Variants in TBC1D16 observed in about 807,000 individuals in gnomAD.
TBC1D16 encodes the protein CTD-2529O21.1.
TBC1D16 carries 58 observed loss-of-function variants against 74.7 expected under a neutral mutation model. The observed-to-expected ratio is 0.78, with a 90% CI of 0.63 to 0.97. The LOEUF (loss-of-function observed/expected upper bound fraction) is 0.97, where lower values mean the gene tolerates loss of function less well. TBC1D16 is among the 50% of genes least tolerant of loss of function. TBC1D16 has a pLI of 0.00. For synonymous variants in TBC1D16, 493 were observed against 474.7 expected, an observed-to-expected ratio of 1.04 and a Z score of -0.50; for missense variants, 1,014 against 1,079.5, an observed-to-expected ratio of 0.94 and a Z score of 0.85.
rs1335267601 is a variant in TBC1D16, at chr17:79,933,274, G to C, written c.*7585C>G. ...GAGGGGGCTGGCTTGAGACCTTCCT[G>C]TTCTATGTTGGGGGGGATACTGAGG... On this transcript the variant is annotated 3_prime_UTR_variant, in exon 12 of 12. Coordinates refer to ENST00000310924, the MANE Select transcript of TBC1D16 (RefSeq NM_019020.4). 1 of 151,968 alleles carries C rather than the reference G, an allele frequency of 6.6e-6. No homozygotes were observed. Among genetic ancestry groups the C allele is most frequent in the East Asian group, 1.9e-4 (1 of 5,176 alleles). The allele number at this position is 151,968 out of a possible 1,614,324, so 9.4% of individuals were successfully genotyped here. A position where few individuals can be genotyped will look rare whatever the true frequency, so the allele number is the denominator to read the frequency against.
chr17:79,980,693 C>T lies in TBC1D16; in HGVS notation c.780-27875G>A, dbSNP rs776597670. On this transcript the variant is annotated intron_variant, in intron 3 of 11. Coordinates refer to ENST00000310924, the MANE Select transcript of TBC1D16 (RefSeq NM_019020.4). This position sits in a 1 kb window ranked among gnomAD's most constrained non-coding sequence, Gnocchi z 7.0. ...TGTGACATCCCACATGGCTTGGTCC[C>T]GCCTTTCAGCCCCCCAGGGTTCACT... Among the ~76,000 whole-genome samples the T allele has an allele frequency of 1.1e-4, 17 of 152,182 alleles. No individual in the cohort carries two copies. The highest frequency in any genetic ancestry group is 1.6e-4 in the Non-Finnish European group (11 of 68,036).
chr17:79,977,579 C>T (rs1046398582), intron 3 of TBC1D16, among the ~76,000 whole-genome samples: 31 of 152,266 alleles, frequency 2.0e-4, no homozygotes, highest in African/African-American at 7.0e-4. Context: ...TTCCTTCCCC[C>T]ACCTGTGAGA....
At position 80,007,320 on chromosome 17, in the gene TBC1D16, G is replaced by A. The variant is rs1049664696; in HGVS notation, c.779+2840C>T. On this transcript the variant is annotated intron_variant, in intron 3 of 11. Coordinates refer to ENST00000310924, the MANE Select transcript of TBC1D16 (RefSeq NM_019020.4). The surrounding 1 kb of genome is among the most constrained non-coding windows in gnomAD (Gnocchi z 4.5). The stretch of plus-strand genomic sequence containing the variant: ...CGCTGACCCCATACCCCAGGCTGGT[G>A]CTCAACCCTCACGCCGACTCTGCCC... 5.3e-5 allele frequency among the ~76,000 whole-genome samples: 8 copies of A among 152,248 alleles called. No individual in the cohort carries two copies. The highest frequency in any genetic ancestry group is 1.9e-4 in the African/African-American group (8 of 41,472).
In TBC1D16 at chr17:79,954,151, G is replaced by T. The variant is rs2033221331; in HGVS notation, c.780-1333C>A. Among the ~76,000 whole-genome samples the T allele has an allele frequency of 6.6e-6, 1 of 152,178 alleles. No homozygotes were observed. The highest frequency in any genetic ancestry group is 1.5e-5 in the Non-Finnish European group (1 of 68,020). Reference sequence around the variant, plus strand: ...CAAGACTCAGCTCTGGACCCCAACTGCAGCACCCCACAGAGACTCAGCCGC... The same window carrying T: ...CAAGACTCAGCTCTGGACCCCAACTTCAGCACCCCACAGAGACTCAGCCGC... On this transcript the variant is annotated intron_variant, in intron 3 of 11. Coordinates refer to ENST00000310924, the MANE Select transcript of TBC1D16 (RefSeq NM_019020.4). The surrounding 1 kb of genome is among the most constrained non-coding windows in gnomAD (Gnocchi z 5.5).
In TBC1D16 at chr17:79,954,189, TGCCTTCCCG is replaced by T. The variant is rs2033224376; in HGVS notation, c.780-1380_780-1372del. Among the ~76,000 whole-genome samples the T allele has an allele frequency of 6.6e-6, 1 of 152,138 alleles. No individual in the cohort carries two copies. Among genetic ancestry groups the T allele is most frequent in the African/African-American group, 2.4e-5 (1 of 41,448 alleles). ...GAGACTCAGCCGCATTCACCGCACC[TGCCTTCCCG>T]TTTGAGCTCAGAACATAAACTATTA... is the stretch of plus-strand genomic sequence containing the variant. On this transcript the variant is annotated intron_variant, in intron 3 of 11. Coordinates refer to ENST00000310924, the MANE Select transcript of TBC1D16 (RefSeq NM_019020.4). The surrounding 1 kb of genome is among the most constrained non-coding windows in gnomAD (Gnocchi z 5.5).
At chr17:80,029,573 C>T (rs1486475484) in intron 1 of TBC1D16, among the ~76,000 whole-genome samples, 1 of 152,194 alleles carries the variant, frequency 6.6e-6, no homozygotes, top group Non-Finnish European at 1.5e-5. Flanking sequence ...CCAAAATTCA[C>T]TGCCCAAGAT....
chr17:80,023,046 G>T (rs1452429856), intron 1 of TBC1D16, among the ~76,000 whole-genome samples: 1 of 150,116 alleles, frequency 6.7e-6, no homozygotes, highest in Non-Finnish European at 1.5e-5. Context: ...CTCAGCTGCC[G>T]CAACGCTGCA....
In TBC1D16 at chr17:79,983,193, C is replaced by T. The variant is rs565425573; in HGVS notation, c.779+26967G>A. Among the ~76,000 whole-genome samples the T allele has an allele frequency of 7.0e-4, 106 of 152,282 alleles. No individual in the cohort carries two copies. The highest frequency in any genetic ancestry group is 2.5e-3 in the African/African-American group (102 of 41,558). Reference sequence around the variant, plus strand: ...GCTGTGCAGGCGTGAAACCCAGTGGCGGTTCAGAAGACGTGGCAGCGCGGG... The same window carrying T: ...GCTGTGCAGGCGTGAAACCCAGTGGTGGTTCAGAAGACGTGGCAGCGCGGG... On this transcript the variant is annotated intron_variant, in intron 3 of 11. Coordinates refer to ENST00000310924, the MANE Select transcript of TBC1D16 (RefSeq NM_019020.4). The surrounding 1 kb of genome is among the most constrained non-coding windows in gnomAD (Gnocchi z 5.6).
chr17:79,964,580 C>T (rs75136759), intron 3 of TBC1D16, among the ~76,000 whole-genome samples: 22 of 152,200 alleles, frequency 1.4e-4, no homozygotes, highest in Non-Finnish European at 2.5e-4. Context: ...ATTGTGATGA[C>T]GGCTCCATGA....
At position 79,950,607 on chromosome 17, in the gene TBC1D16, C is replaced by T. The variant is rs778128893; in HGVS notation, c.1090-29G>A. ...GACGGGAGGAAAACTGGGCAAAGGT[C>T]AGGATCTCAGCCGCGCGGCTTCAGA... On this transcript the variant is annotated intron_variant, in intron 5 of 11. Coordinates refer to ENST00000310924, the MANE Select transcript of TBC1D16 (RefSeq NM_019020.4). This position sits in a 1 kb window ranked among gnomAD's most constrained non-coding sequence, Gnocchi z 4.6. 38 of 1,605,182 alleles carry T rather than the reference C, an allele frequency of 2.4e-5. No homozygotes were observed. Among genetic ancestry groups the T allele is most frequent in the Non-Finnish European group, 2.6e-5 (30 of 1,175,978 alleles).
intron 3 of TBC1D16, among the ~76,000 whole-genome samples, chr17:79,999,802 T>G (rs1017082797): frequency 4.6e-5 from 7 of 151,986 alleles, no homozygotes; most frequent in African/African-American, 1.7e-4. Flanking sequence ...CCTTGGGCTC[T>G]CAAAGTGCTG....
chr17:80,011,020 G>A (rs1000756517), intron 2 of TBC1D16, among the ~76,000 whole-genome samples: 4 of 151,946 alleles, frequency 2.6e-5, no homozygotes, highest in Non-Finnish European at 4.4e-5. Context: ...CCTGCCATGC[G>A]CCTTTCTTTT....
At chr17:80,016,160 G>C (rs1282083964) in intron 1 of TBC1D16, among the ~76,000 whole-genome samples, 21 of 152,050 alleles carry the variant, frequency 1.4e-4, no homozygotes. Context: ...AAACAAATCA[G>C]TCACAAGAGA....
In TBC1D16 at chr17:79,988,311, A is replaced by C. The variant is rs959442954; in HGVS notation, c.779+21849T>G. ...GAGCAAAACAACACGCTGAACAAAC[A>C]CCACCACCCTGAAAAGTCACCAGCC... On this transcript the variant is annotated intron_variant, in intron 3 of 11. Transcript: ENST00000310924. The surrounding 1 kb of genome is among the most constrained non-coding windows in gnomAD (Gnocchi z 5.7). Among the ~76,000 whole-genome samples, 3 of 152,330 alleles carry C rather than the reference A, an allele frequency of 2.0e-5. No homozygotes were observed. The East Asian group carries it at 5.8e-4, about 29-fold the overall frequency.
At chr17:80,025,595 ACCTCCTT>A (rs2036555055) in intron 1 of TBC1D16, among the ~76,000 whole-genome samples, 7 of 147,538 alleles carry the variant, frequency 4.7e-5, no homozygotes, top group African/African-American at 7.9e-5. Flanking sequence ...TGCTGGGAGC[ACCTCCTT>A]GCTGGAAGCA....
intron 3 of TBC1D16, among the ~76,000 whole-genome samples, chr17:79,960,809 A>AAAAAAAAAAAG (rs2033576160): frequency 7.3e-6 from 1 of 136,144 alleles, no homozygotes; most frequent in Non-Finnish European, 1.6e-5. Flanking sequence ...AAAAAAAAAA[A>AAAAAAAAAAAG]CGAAGGAATG....
At chr17:80,017,886 A>T (rs2036147763) in intron 1 of TBC1D16, among the ~76,000 whole-genome samples, 1 of 152,144 alleles carries the variant, frequency 6.6e-6, no homozygotes, top group Non-Finnish European at 1.5e-5. Flanking sequence ...CTCTTGGCCT[A>T]AACACTTCAT....
chr17:79,969,386 A>G (rs2120455), intron 3 of TBC1D16, among the ~76,000 whole-genome samples: 65,269 of 152,012 alleles, frequency 0.43, 14,318 homozygotes, highest in East Asian at 0.71. Context: ...ACTCCATCTC[A>G]AAACAAACAA....
chr17:80,010,287 C>G lies in TBC1D16; in HGVS notation c.652G>C (p.Glu218Gln), dbSNP rs143010961. ...EEDGSLELSA[E>Q]GVSRDSSFDS... ...AAGGAGCTGTCTCTGCTCACGCCCT[C>G]GGCTGACAGTTCCAAAGAGCCATCC... The change falls in exon 3 of 12, where the codon GAG (glutamate) becomes CAG (glutamine). Residue 218 changes from glutamate to glutamine, a missense_variant. Coordinates refer to ENST00000310924, the MANE Select transcript of TBC1D16 (RefSeq NM_019020.4). The surrounding 1 kb of genome is among the most constrained non-coding windows in gnomAD (Gnocchi z 8.8). 2 of 1,612,876 alleles carry G rather than the reference C, an allele frequency of 1.2e-6. No individual in the cohort carries two copies. The highest frequency in any genetic ancestry group is 1.3e-5 in the African/African-American group (1 of 74,882).
Sources: allele counts gnomAD v4.1 joint callset (sites outside exome capture counted in the v4.1 genomes callset), GRCh38; gene constraint gnomAD v4.1.1; non-coding constraint Gnocchi (gnomAD v3.1); transcripts MANE v1.5; gene names NCBI Gene and HGNC (gene_info 2026-07-23, HGNC 2026-07-21).